CTNNA2: variants seen among roughly 807,000 people sequenced by gnomAD.
CTNNA2 encodes catenin alpha-2.
A neutral mutation model predicts 101.0 loss-of-function variants in CTNNA2; 42 were observed. The observed-to-expected ratio is 0.42, with a 90% CI of 0.32 to 0.54. CTNNA2 has a LOEUF of 0.54. Ranked by LOEUF, CTNNA2 falls within the 20% of genes least tolerant of loss-of-function variation. The pLI, the probability that CTNNA2 is intolerant of heterozygous loss-of-function variation, is 0.14. For missense variants in CTNNA2, 871 were observed against 1,223.1 expected, an observed-to-expected ratio of 0.71 and a Z score of 4.29; for synonymous variants, 450 against 456.4, an observed-to-expected ratio of 0.99 and a Z score of 0.18.
intron 12 of CTNNA2, among the ~76,000 whole-genome samples, chr2:80,561,031 T>A (rs1395086417): frequency 1.3e-5 from 2 of 152,172 alleles, no homozygotes; most frequent in African/African-American, 4.8e-5. Context: ...GGAAATCATC[T>A]GATTGGCTTT....
intron 6 of CTNNA2, among the ~76,000 whole-genome samples, chr2:79,897,891 C>T (rs1401085187): frequency 2.0e-5 from 3 of 152,092 alleles, no homozygotes; most frequent in South Asian, 2.1e-4. Context: ...CCTGGTATGG[C>T]GGAAGGCAGA....
rs78199690 is a variant in CTNNA2 at position 80,100,522 on chromosome 2, A to G, written c.1056+190725A>G. ...CGTCTTCAAGCATTTTCTATTTACT[A>G]TATTTGTTTTTTTTCACACATTCTG... On this transcript the variant is annotated intron_variant, in intron 7 of 18. Transcript: ENST00000402739. Among the ~76,000 whole-genome samples, 402 of 151,980 alleles carry G rather than the reference A, an allele frequency of 2.6e-3. 4 individuals carry two copies. In the East Asian group the frequency reaches 0.028, roughly 11 times the overall value.
chr2:80,155,713 T>C (rs1703966599), intron 7 of CTNNA2, among the ~76,000 whole-genome samples: 2 of 152,208 alleles, frequency 1.3e-5, no homozygotes, highest in Admixed American at 1.3e-4. Flanking sequence ...TTGTATCTTT[T>C]TCATCTACTC....
chr2:80,032,248 A>T lies in CTNNA2; in HGVS notation c.1056+122451A>T, dbSNP rs542268475. The stretch of plus-strand genomic sequence containing the variant: ...AGCAAAAATACACGTTCTTCAGGGA[A>T]GTCTTTCCCTGATGTGCCAACCTGT... On this transcript the variant is annotated intron_variant, in intron 7 of 18. Coordinates refer to ENST00000402739, the MANE Select transcript of CTNNA2 (RefSeq NM_001282597.3). 2.6e-5 allele frequency among the ~76,000 whole-genome samples: 4 copies of T among 152,286 alleles called. No homozygotes were observed. In the South Asian group the frequency reaches 8.3e-4, roughly 32 times the overall value.
intron 7 of CTNNA2, among the ~76,000 whole-genome samples, chr2:80,116,320 A>G (rs1020425626): frequency 1.3e-5 from 2 of 149,548 alleles, no homozygotes; most frequent in African/African-American, 4.9e-5. Context: ...TGTGTGTTAC[A>G]GGGTTGGGTG....
At chr2:80,565,119 G>A (rs1227005622) in intron 12 of CTNNA2, among the ~76,000 whole-genome samples, 1 of 149,634 alleles carries the variant, frequency 6.7e-6, no homozygotes, top group African/African-American at 2.6e-5. Flanking sequence ...GGGTGGCTGA[G>A]TAGAAACTGT....
In CTNNA2 at chr2:79,595,487, T is replaced by C. The variant is rs147815648; in HGVS notation, c.-5-56065T>C. Among the ~76,000 whole-genome samples, 249 of 152,254 alleles carry C rather than the reference T, an allele frequency of 1.6e-3. 1 individual carries two copies. Among genetic ancestry groups the C allele is most frequent in the Middle Eastern group, 0.01 (3 of 294 alleles). On this transcript the variant is annotated intron_variant, in intron 1 of 18. Transcript: ENST00000402739. ...AAAATTAAATTCATTATGCTCCCAA[T>C]TGTCGTATTGCTTCTGTATTTCTAT...
At chr2:80,618,980 C>T (rs1442533162) in intron 17 of CTNNA2, 105 bp from the exon 18 acceptor site, 8 of 627,476 alleles carry the variant, frequency 1.3e-5, no homozygotes, top group Non-Finnish European at 2.0e-5. Flanking sequence ...TCCCAATTAC[C>T]CATTCCCTCT....
intron 4 of CTNNA2, among the ~76,000 whole-genome samples, chr2:79,452,651 C>T (rs1670770275): frequency 6.6e-6 from 1 of 151,886 alleles, no homozygotes; most frequent in African/African-American, 2.4e-5. Flanking sequence ...TGGTGAGTTG[C>T]ATTAATCTTT....
At chr2:80,582,589 G>C (rs530500245) in intron 14 of CTNNA2, among the ~76,000 whole-genome samples, 4 of 152,124 alleles carry the variant, frequency 2.6e-5, no homozygotes, top group Non-Finnish European at 5.9e-5. Context: ...GTAGGTGTAC[G>C]TAATCAAGGC....
chr2:79,791,650 C>G (rs181498221), intron 3 of CTNNA2, among the ~76,000 whole-genome samples: 84 of 152,162 alleles, frequency 5.5e-4, no homozygotes, highest in African/African-American at 2.0e-3. Context: ...TACTTTTGAG[C>G]TTAGAGGAAG....
chr2:79,750,967 ATG>A (rs1237457573), intron 3 of CTNNA2, among the ~76,000 whole-genome samples: 1 of 152,072 alleles, frequency 6.6e-6, no homozygotes, highest in Non-Finnish European at 1.5e-5. Context: ...ATGCTAAATG[ATG>A]TGTTACCCAG....
intron 9 of CTNNA2, among the ~76,000 whole-genome samples, chr2:80,501,312 CTCTTT>C (rs1234449656): frequency 2.0e-5 from 3 of 152,182 alleles, no homozygotes; most frequent in Non-Finnish European, 4.4e-5. Context: ...ATCACCGTAA[CTCTTT>C]TCTTCTGAAA....
intron 7 of CTNNA2, among the ~76,000 whole-genome samples, chr2:80,079,775 C>G (rs183544956): frequency 1.2e-4 from 18 of 149,238 alleles, no homozygotes; most frequent in African/African-American, 4.2e-4. Context: ...GATTGCGCCA[C>G]TGCACTCCAG....
intron 7 of CTNNA2, among the ~76,000 whole-genome samples, chr2:80,062,332 G>A (rs1315599008): frequency 6.6e-6 from 1 of 152,082 alleles, no homozygotes; most frequent in African/African-American, 2.4e-5. Flanking sequence ...TTACTAATAA[G>A]TAGTCTCTTT....
At chr2:80,295,748 A>G (rs1448058851) in intron 7 of CTNNA2, among the ~76,000 whole-genome samples, 1 of 152,220 alleles carries the variant, frequency 6.6e-6, no homozygotes, top group Non-Finnish European at 1.5e-5. Flanking sequence ...TCTAAAGATG[A>G]TAACTCCTGA....
chr2:80,250,189 G>GAT (rs1166967694), intron 7 of CTNNA2, among the ~76,000 whole-genome samples: 6 of 124,280 alleles, frequency 4.8e-5, no homozygotes, highest in African/African-American at 2.0e-4. Context: ...GGGGGAGAGA[G>GAT]AGAGAGAGAG....
chr2:80,048,321 C>G (rs974663558), intron 7 of CTNNA2, among the ~76,000 whole-genome samples: 1 of 152,066 alleles, frequency 6.6e-6, no homozygotes, highest in African/African-American at 2.4e-5. Context: ...AAGTGGAAGA[C>G]TTGCAGAGGA....
intron 7 of CTNNA2, among the ~76,000 whole-genome samples, chr2:80,259,995 A>G (rs2149121017): frequency 6.6e-6 from 1 of 152,288 alleles, no homozygotes; most frequent in South Asian, 2.1e-4. Flanking sequence ...GCCCTTAACT[A>G]TGTTCCAGGT....
Sources: gnomAD v4.1 joint callset for allele counts (sites outside exome capture counted in the v4.1 genomes callset) on GRCh38, gnomAD v4.1.1 for gene constraint, MANE v1.5 for transcripts, NCBI Gene and HGNC (gene_info 2026-07-23, HGNC 2026-07-21) for gene names.